Variants in NME9 observed in about 807,000 individuals in gnomAD.
NME9 encodes the protein NME/NM23 family member 9.
A neutral mutation model predicts 44.4 loss-of-function variants in NME9; 48 were observed. That is an observed-to-expected ratio of 1.08 (90% confidence interval 0.86 to 1.37). The LOEUF (loss-of-function observed/expected upper bound fraction) is 1.37. Ranked by LOEUF, NME9 falls within the 40% of genes most tolerant of loss-of-function variation. The pLI is 0.00. For missense variants in NME9, 325 were observed against 405.2 expected, an observed-to-expected ratio of 0.80 and a Z score of 1.70; for synonymous variants, 139 against 147.1, an observed-to-expected ratio of 0.94 and a Z score of 0.40.
chr3:138,278,622 C>T (rs1325092971), intron 8 of NME9, among the ~76,000 whole-genome samples: 2 of 152,014 alleles, frequency 1.3e-5, no homozygotes, highest in African/African-American at 2.4e-5. Context: ...GGATTTCGAT[C>T]GTATTGTATT....
At chr3:138,274,229 A>G (rs2049052899) in intron 8 of NME9, among the ~76,000 whole-genome samples, 2 of 143,500 alleles carry the variant, frequency 1.4e-5, no homozygotes, top group Non-Finnish European at 1.5e-5. Context: ...TAATGTGTAT[A>G]TACATGTGTG....
downstream of NME9, among the ~76,000 whole-genome samples, chr3:138,300,518 A>G (rs556038554): frequency 8.1e-4 from 123 of 152,320 alleles, no homozygotes; most frequent in African/African-American, 2.7e-3. Context: ...ATTTACAAAT[A>G]AAGTCGTTAG....
intron 8 of NME9, chr3:138,284,506 C>A: frequency 6.2e-7 from 1 of 1,612,496 alleles, no homozygotes; most frequent in South Asian, 1.1e-5. Flanking sequence ...TGATATCCTA[C>A]AGAAAATCAA....
chr3:138,319,626 C>T, intron 2 of NME9, 45 bp from the exon 3 acceptor site: 2 of 963,966 alleles, frequency 2.1e-6, no homozygotes, highest in Middle Eastern at 2.1e-4. Context: ...ACGCCAGTGC[C>T]CACCACACCA....
At chr3:138,305,944 C>T in intron 8 of NME9, 60 bp downstream of exon 8, 5 of 1,092,252 alleles carry the variant, frequency 4.6e-6, no homozygotes, top group Non-Finnish European at 5.7e-6. Flanking sequence ...AATCTATAAG[C>T]ATAATGTTGG....
chr3:138,264,090 T>G, intron 8 of NME9: 4 of 1,566,720 alleles, frequency 2.6e-6, no homozygotes, highest in Non-Finnish European at 3.5e-6. Context: ...AAAGTAAAAG[T>G]TTTGATTTCT....
chr3:138,275,699 A>G (rs2049223894), intron 8 of NME9, among the ~76,000 whole-genome samples: 1 of 152,224 alleles, frequency 6.6e-6, no homozygotes, highest in Non-Finnish European at 1.5e-5. Flanking sequence ...TTCTTGAGTT[A>G]AAGTAATTCA....
At chr3:138,307,045 AG>A (rs1338680520) in intron 6 of NME9, among the ~76,000 whole-genome samples, 5 of 152,154 alleles carry the variant, frequency 3.3e-5, no homozygotes, top group Non-Finnish European at 5.9e-5. Flanking sequence ...TGGCTCCTCC[AG>A]GCCCTGAGTC....
chr3:138,284,581 T>C, intron 8 of NME9: 4 of 1,292,738 alleles, frequency 3.1e-6, no homozygotes, highest in Non-Finnish European at 4.5e-6. Context: ...TGTTGCATTT[T>C]TAACTCAAAA....
At chr3:138,309,466 C>G (rs1378417714) in intron 6 of NME9, among the ~76,000 whole-genome samples, 1 of 152,184 alleles carries the variant, frequency 6.6e-6, no homozygotes, top group Admixed American at 6.5e-5. Flanking sequence ...AAGTGGATCA[C>G]TCGAGGCTAG....
chr3:138,263,891 C>T, intron 8 of NME9: 1 of 1,337,970 alleles, frequency 7.5e-7, no homozygotes, highest in South Asian at 1.2e-5. Context: ...TCTGGTCCTT[C>T]ACTGAGTAAA....
intron 8 of NME9, among the ~76,000 whole-genome samples, chr3:138,278,836 C>T (rs2049574630): frequency 1.3e-5 from 2 of 152,046 alleles, no homozygotes; most frequent in South Asian, 2.1e-4. Flanking sequence ...TTTAAAATTT[C>T]GATTTCCAGT....
At chr3:138,274,638 C>CA in intron 8 of NME9, 1 of 906,640 alleles carries the variant, frequency 1.1e-6, no homozygotes, top group Non-Finnish European at 1.8e-6. Context: ...CTGCAGAAGA[C>CA]AGAGTGCTGA....
intron 8 of NME9, among the ~76,000 whole-genome samples, chr3:138,264,866 T>C (rs2048121244): frequency 6.6e-6 from 1 of 151,742 alleles, no homozygotes; most frequent in Admixed American, 6.6e-5. Flanking sequence ...AGAGATAATG[T>C]GTTGTTCTTA....
In NME9 at chr3:138,329,479, G is replaced by A; in HGVS notation, c.-144C>T. 1 of 1,469,532 alleles carries A rather than the reference G, an allele frequency of 6.8e-7. No individual in the cohort carries two copies. The highest frequency in any genetic ancestry group is 2.5e-5 in the Admixed American group (1 of 40,346). The allele number at this position is 1,469,532 out of a possible 1,614,324, so 91.0% of individuals were successfully genotyped here. The stretch of plus-strand genomic sequence containing the variant: ...CTACGGCCCCCGGCCCCTTTTTAAG[G>A]TGCTTCTAACTGGCGGCAAATCAGC... On this transcript the variant is annotated 5_prime_UTR_variant, in exon 1 of 11. Coordinates refer to ENST00000333911, the MANE Select transcript of NME9 (RefSeq NM_001349018.2).
chr3:138,265,039 A>G (rs971030882), intron 8 of NME9, among the ~76,000 whole-genome samples: 1 of 151,766 alleles, frequency 6.6e-6, no homozygotes, highest in Non-Finnish European at 1.5e-5. Context: ...CTGGGACTAC[A>G]GGTATGTGCC....
At chr3:138,318,059 A>C in intron 4 of NME9, 89 bp downstream of exon 4, 1 of 858,692 alleles carries the variant, frequency 1.2e-6, no homozygotes, top group Admixed American at 1.8e-5. Flanking sequence ...TAATTCTCCA[A>C]GAGTGAATTA....
Position 138,315,626 on chromosome 3 carries a change from A to G in NME9, c.285T>C (p.Ala95=), listed in dbSNP as rs746201294. Residue 95 remains alanine, a synonymous_variant, in exon 5 of 11, where the codon GCT becomes GCC. Transcript: ENST00000333911. ...FLFYAGGELV[A]VVRGANAPLL... is the part of the protein sequence containing the mutation. ...GTGGGGCATTTGCTCCTCTAACCAC[A>G]GCCACCAGTTCTCCTCCCTAGAATA... is the stretch of plus-strand genomic sequence containing the variant. 9.8e-5 allele frequency: 150 copies of G among 1,536,250 alleles called. No individual in the cohort carries two copies. Among genetic ancestry groups the G allele is most frequent in the Non-Finnish European group, 1.2e-4 (133 of 1,146,738 alleles).
At chr3:138,293,883 T>C (rs1177172410) in intron 8 of NME9, among the ~76,000 whole-genome samples, 1 of 152,206 alleles carries the variant, frequency 6.6e-6, no homozygotes, top group Non-Finnish European at 1.5e-5. Context: ...CTTAGACCAC[T>C]CTGGTGCTGT....
Sources: gnomAD v4.1 joint callset for allele counts (sites outside exome capture counted in the v4.1 genomes callset) on GRCh38, gnomAD v4.1.1 for gene constraint, MANE v1.5 for transcripts, NCBI Gene and HGNC (gene_info 2026-07-23, HGNC 2026-07-21) for gene names.